The following ARHGEF16 variants were observed in gnomAD, a reference collection of about 807,000 sequenced individuals.
The protein encoded by ARHGEF16 is Rho guanine exchange factor (GEF) 16.
A neutral mutation model predicts 74.1 loss-of-function variants in ARHGEF16; 59 were observed. The ratio of observed to expected loss-of-function variants is 0.80; its 90% CI spans 0.65 to 0.99. The LOEUF (loss-of-function observed/expected upper bound fraction) is 0.99. ARHGEF16 is among the 50% of genes least tolerant of loss of function. The pLI, the probability that ARHGEF16 is intolerant of heterozygous loss-of-function variation, is 0.00. For missense variants in ARHGEF16, 948 were observed against 986.6 expected (o/e 0.96, Z 0.52); for synonymous variants, 415 against 412.6 (o/e 1.01, Z -0.07).
Position 3,475,988 on chromosome 1 carries a change from G to A in ARHGEF16, c.1399G>A (p.Glu467Lys), listed in dbSNP as rs1479981531. The A allele has an allele frequency of 5.1e-5, 79 of 1,554,842 alleles. 1 individual carries two copies. Among genetic ancestry groups the A allele is most frequent in the Non-Finnish European group, 6.4e-5 (73 of 1,149,360 alleles). Reference sequence around the variant, plus strand: ...CCTGCAGCTGGTGAGGCAGTGCAACGAGGGGGCCCACAGGATGGAGCGCAT... The same window carrying A: ...CCTGCAGCTGGTGAGGCAGTGCAACAAGGGGGCCCACAGGATGGAGCGCAT... The part of the protein sequence containing the change: ...AISKLVRQCN[E>K]GAHRMERMEQ... Residue 467 changes from glutamate to lysine, a missense_variant, in exon 10 of 15, where the codon GAG becomes AAG. By Grantham distance (56) the Glu-to-Lys change is moderately conservative. Coordinates refer to ENST00000378378, the MANE Select transcript of ARHGEF16 (RefSeq NM_014448.4).
Position 3,474,691 on chromosome 1 carries a change from G to A in ARHGEF16, c.1306-17G>A. ...TGCCAGAGGGGACTTTCTGTCCCAT[G>A]TCTGTTGTCCATCCAGACGCTCTGC... is the stretch of plus-strand genomic sequence containing the variant. On this transcript the variant is annotated splice_polypyrimidine_tract_variant and intron_variant, in intron 8 of 14. Coordinates refer to ENST00000378378, the MANE Select transcript of ARHGEF16 (RefSeq NM_014448.4). 1.2e-5 allele frequency: 20 copies of A among 1,611,322 alleles called. No homozygotes were observed. Among genetic ancestry groups the A allele is most frequent in the Non-Finnish European group, 1.6e-5 (19 of 1,178,582 alleles).
intron 13 of ARHGEF16, 105 bp from the exon 14 acceptor site, chr1:3,479,707 G>C: frequency 2.1e-5 from 32 of 1,557,290 alleles, no homozygotes; most frequent in Non-Finnish European, 2.8e-5. Context: ...GCAGTCGGGG[G>C]ATGGGGTGCC....
At position 3,480,785 on chromosome 1, in the gene ARHGEF16, G is replaced by A. The variant is rs368449041; in HGVS notation, c.*198G>A. On this transcript the variant is annotated 3_prime_UTR_variant, in exon 15 of 15. Coordinates refer to ENST00000378378, the MANE Select transcript of ARHGEF16 (RefSeq NM_014448.4). ...ACATGTCCCCAGAGAGGCACCCCCAGGCAAGCTCGAGGGGGCCACACCGTG... is the reference window on the plus strand; with the variant it reads ...ACATGTCCCCAGAGAGGCACCCCCAAGCAAGCTCGAGGGGGCCACACCGTG... The A allele has an allele frequency of 1.6e-4, 121 of 763,700 alleles. No individual in the cohort carries two copies. The East Asian group carries it at 2.2e-3, about 14-fold the overall frequency. The allele number at this position is 763,700 out of a possible 1,614,324, so 47.3% of individuals were successfully genotyped here. A position where few individuals can be genotyped will look rare whatever the true frequency, so the allele number is the denominator to read the frequency against.
At chr1:3,460,479 G>A (rs964442120) in intron 1 of ARHGEF16, among the ~76,000 whole-genome samples, 68 of 152,284 alleles carry the variant, frequency 4.5e-4, no homozygotes, top group East Asian at 9.7e-4. Flanking sequence ...GGTGGGAGAT[G>A]GGGCACAGTG....
At chr1:3,455,560 G>T (rs1460035436) in intron 1 of ARHGEF16, among the ~76,000 whole-genome samples, 1 of 152,222 alleles carries the variant, frequency 6.6e-6, no homozygotes, top group South Asian at 2.1e-4. Context: ...GACTGAGGGA[G>T]TGGCAGCGAT....
chr1:3,470,540 C>T (rs1049992258), intron 6 of ARHGEF16, among the ~76,000 whole-genome samples: 13 of 136,148 alleles, frequency 9.5e-5, no homozygotes, highest in Non-Finnish European at 1.4e-4. Context: ...GGTGTGTATG[C>T]GTGGTCAGGG....
intron 5 of ARHGEF16, 49 bp downstream of exon 5, chr1:3,468,985 C>A: frequency 1.3e-6 from 2 of 1,543,550 alleles, no homozygotes; most frequent in Non-Finnish European, 1.8e-6. Flanking sequence ...CTGGGCCATG[C>A]AACACCCGGG....
chr1:3,468,973 G>A, intron 5 of ARHGEF16, 37 bp downstream of exon 5: 1 of 1,548,546 alleles, frequency 6.5e-7, no homozygotes, highest in Non-Finnish European at 8.7e-7. Flanking sequence ...GTCCCCCATG[G>A]CCTGGGCCAT....
At chr1:3,462,341 G>A (rs896998969) in intron 1 of ARHGEF16, among the ~76,000 whole-genome samples, 5 of 152,212 alleles carry the variant, frequency 3.3e-5, no homozygotes, top group African/African-American at 9.6e-5. Context: ...GTGTTGCCTG[G>A]TGTGTGGAAA....
intron 10 of ARHGEF16, among the ~76,000 whole-genome samples, chr1:3,476,678 C>A (rs12561940): frequency 6.6e-6 from 1 of 152,148 alleles, no homozygotes; most frequent in East Asian, 1.9e-4. Context: ...GGGCCCCTCC[C>A]CTAAGGCGGG....
At position 3,480,592 on chromosome 1, in the gene ARHGEF16, G is replaced by A; in HGVS notation, c.*5G>A. ...CGGGTGGAGACGGACGTGTAGCCCT[G>A]GCGAGGCCAGCCGGCGGCAGCACAG... is the stretch of plus-strand genomic sequence containing the variant. On this transcript the variant is annotated 3_prime_UTR_variant, in exon 15 of 15. Coordinates refer to ENST00000378378, the MANE Select transcript of ARHGEF16 (RefSeq NM_014448.4). 6 of 1,603,360 alleles carry A rather than the reference G, an allele frequency of 3.7e-6. No individual in the cohort carries two copies. The highest frequency in any genetic ancestry group is 5.1e-6 in the Non-Finnish European group (6 of 1,178,484).
intron 1 of ARHGEF16, among the ~76,000 whole-genome samples, chr1:3,455,381 G>T (rs572971546): frequency 1.2e-3 from 182 of 152,254 alleles, no homozygotes; most frequent in African/African-American, 3.7e-3. Context: ...ACCTTGGTGG[G>T]CGGTGGCAGG....
At chr1:3,467,435 C>G in intron 4 of ARHGEF16, 98 bp downstream of exon 4, 2 of 1,366,922 alleles carry the variant, frequency 1.5e-6, no homozygotes, top group Non-Finnish European at 1.9e-6. Context: ...TGGTCCCCAG[C>G]AGCAGCCCAG....
At chr1:3,469,145 G>C (rs1193615230) in intron 5 of ARHGEF16, among the ~76,000 whole-genome samples, 1 of 152,176 alleles carries the variant, frequency 6.6e-6, no homozygotes, top group Non-Finnish European at 1.5e-5. Flanking sequence ...ACGTCACCGG[G>C]TGAATCCTCG....
intron 11 of ARHGEF16, 29 bp from the exon 12 acceptor site, chr1:3,478,395 C>T (rs375426381): frequency 1.7e-5 from 26 of 1,562,260 alleles, no homozygotes; most frequent in Admixed American, 1.0e-4. Context: ...TGGGTGGGAC[C>T]GTCCCACCGA....
At chr1:3,474,558 G>A (rs1158465181) in intron 8 of ARHGEF16, 150 bp from the exon 9 acceptor site, 1 of 683,828 alleles carries the variant, frequency 1.5e-6, no homozygotes, top group Admixed American at 2.4e-5. Context: ...AGGCCGTTCA[G>A]GGGCTGTACG....
chr1:3,473,622 C>T, intron 8 of ARHGEF16, 100 bp downstream of exon 8: 1 of 1,556,274 alleles, frequency 6.4e-7, no homozygotes, highest in Non-Finnish European at 8.7e-7. Context: ...TGACCTTCTC[C>T]TCCAGGCTTG....
intron 8 of ARHGEF16, chr1:3,474,498 C>G: frequency 1.8e-6 from 1 of 566,414 alleles, no homozygotes; most frequent in South Asian, 2.2e-5. Context: ...GGTGCTAGCT[C>G]CTGTTCCCAC....
At chr1:3,480,359 G>T in intron 14 of ARHGEF16, 89 bp from the exon 15 acceptor site, 4 of 1,545,528 alleles carry the variant, frequency 2.6e-6, no homozygotes, top group Non-Finnish European at 3.5e-6. Context: ...GAGAAGCCTG[G>T]CCCTGGTGTG....
Sources: gnomAD v4.1 joint callset for allele counts (sites outside exome capture counted in the v4.1 genomes callset) on GRCh38, gnomAD v4.1.1 for gene constraint, MANE v1.5 for transcripts, NCBI Gene and HGNC (gene_info 2026-07-23, HGNC 2026-07-21) for gene names.